The following EYA1 variants were observed in gnomAD, a reference collection of about 807,000 sequenced individuals.
EYA1 encodes the protein EYA transcriptional coactivator and phosphatase 1.
A neutral mutation model predicts 82.0 loss-of-function variants in EYA1; 16 were observed. The observed-to-expected ratio is 0.20, with a 90% CI of 0.13 to 0.30. EYA1 has a LOEUF of 0.30. EYA1 is among the 10% of genes least tolerant of loss of function. The pLI is 1.00. For synonymous variants in EYA1, 261 were observed against 264.4 expected (o/e 0.99, Z 0.12); for missense variants, 633 against 730.7 (o/e 0.87, Z 1.54).
intron 7 of EYA1, among the ~76,000 whole-genome samples, chr8:71,311,033 T>C (rs1389683631): frequency 6.6e-6 from 1 of 152,200 alleles, no homozygotes; most frequent in Non-Finnish European, 1.5e-5. Context: ...GTGTGAAAAT[T>C]GTTTGCACGT....
intron 12 of EYA1, chr8:71,225,423 A>G (rs1297260657): frequency 7.9e-6 from 3 of 379,788 alleles, no homozygotes; most frequent in Non-Finnish European, 1.6e-5. Flanking sequence ...CCTTCACACC[A>G]TGATGCTTCC....
At chr8:71,274,882 G>A (rs1462159788) in intron 9 of EYA1, among the ~76,000 whole-genome samples, 1 of 151,984 alleles carries the variant, frequency 6.6e-6, no homozygotes, top group Non-Finnish European at 1.5e-5. Context: ...GAGAGAGAGT[G>A]AGCGAGCGAG....
chr8:71,485,421 G>T (rs1274368551), intron 2 of EYA1, among the ~76,000 whole-genome samples: 1 of 152,052 alleles, frequency 6.6e-6, no homozygotes, highest in East Asian at 1.9e-4. Flanking sequence ...AACTGACAAG[G>T]AGGCAATGGA....
chr8:71,279,183 A>G (rs1817539483), intron 9 of EYA1, among the ~76,000 whole-genome samples: 1 of 152,190 alleles, frequency 6.6e-6, no homozygotes, highest in Non-Finnish European at 1.5e-5. Context: ...CAATAATTAT[A>G]TTCTATTTGC....
intron 2 of EYA1, among the ~76,000 whole-genome samples, chr8:71,436,901 T>C (rs912402347): frequency 5.3e-5 from 8 of 152,058 alleles, no homozygotes; most frequent in Non-Finnish European, 1.2e-4. Flanking sequence ...AAATGAATCA[T>C]GTTATTTCCT....
At chr8:71,433,713 T>A (rs1805798885) in intron 2 of EYA1, among the ~76,000 whole-genome samples, 1 of 152,182 alleles carries the variant, frequency 6.6e-6, no homozygotes, top group Non-Finnish European at 1.5e-5. Flanking sequence ...GAGGCCAACC[T>A]GTCTGAATCA....
At chr8:71,214,546 A>AC (rs1349273636) in intron 16 of EYA1, among the ~76,000 whole-genome samples, 1 of 152,304 alleles carries the variant, frequency 6.6e-6, no homozygotes, top group Middle Eastern at 3.4e-3. Flanking sequence ...TAGCAATAGG[A>AC]CCCTGTAGGA....
At chr8:71,385,877 C>A (rs1198183425) in intron 2 of EYA1, among the ~76,000 whole-genome samples, 1 of 152,068 alleles carries the variant, frequency 6.6e-6, no homozygotes, top group Non-Finnish European at 1.5e-5. Flanking sequence ...TAGGGAAACA[C>A]CTAGGAGGAA....
At chr8:71,461,910 C>T (rs1326683857) in intron 2 of EYA1, among the ~76,000 whole-genome samples, 1 of 152,144 alleles carries the variant, frequency 6.6e-6, no homozygotes, top group African/African-American at 2.4e-5. Flanking sequence ...CAGGTCGCAG[C>T]AGCCAGGGTA....
intron 2 of EYA1, among the ~76,000 whole-genome samples, chr8:71,443,484 T>C (rs1470837753): frequency 2.0e-5 from 3 of 152,210 alleles, no homozygotes; most frequent in Admixed American, 2.0e-4. Context: ...TTTCGCTATG[T>C]TGGCCAGGAT....
At chr8:71,528,651 T>C (rs1447782652) in intron 2 of EYA1, among the ~76,000 whole-genome samples, 2 of 152,310 alleles carry the variant, frequency 1.3e-5, no homozygotes, top group East Asian at 3.9e-4. Context: ...AATTAACAGA[T>C]AGTACCTCAT....
In EYA1 at chr8:71,322,254, T is replaced by A; in HGVS notation, c.217A>T (p.Ser73Cys). 1.2e-6 allele frequency: 2 copies of A among 1,613,974 alleles called. No individual in the cohort carries two copies. Among genetic ancestry groups the A allele is most frequent in the Non-Finnish European group, 1.7e-6 (2 of 1,179,874 alleles). ...TGGTGAGTTGGTCGTGGGCTGAAACTACTGCTCCCAATTGCTGGAAAACAA... is the reference window on the plus strand; with the variant it reads ...TGGTGAGTTGGTCGTGGGCTGAAACAACTGCTCCCAATTGCTGGAAAACAA... Reference protein sequence around the residue: ...NFSGSAIGSSSFSPRPTHQFS... With the variant: ...NFSGSAIGSSCFSPRPTHQFS... The change falls in exon 5 of 18, where the codon AGT (serine) becomes TGT (cysteine). Residue 73 changes from serine to cysteine, a missense_variant. Transcript: ENST00000340726.
At chr8:71,230,759 C>T (rs980083440) in intron 12 of EYA1, among the ~76,000 whole-genome samples, 7 of 152,224 alleles carry the variant, frequency 4.6e-5, no homozygotes, top group African/African-American at 1.7e-4. Flanking sequence ...ACTGCTGCTC[C>T]AAATGGCCAC....
At chr8:71,288,529 A>G (rs1394276354) in intron 9 of EYA1, among the ~76,000 whole-genome samples, 1 of 152,212 alleles carries the variant, frequency 6.6e-6, no homozygotes, top group Non-Finnish European at 1.5e-5. Context: ...TCTGCAAAAG[A>G]ATCTATACAG....
intron 7 of EYA1, among the ~76,000 whole-genome samples, chr8:71,313,258 G>A (rs1821553238): frequency 6.6e-6 from 1 of 152,034 alleles, no homozygotes; most frequent in African/African-American, 2.4e-5. Flanking sequence ...TTCCTTCCAT[G>A]CCAGCATATT....
chr8:71,317,380 T>G (rs1822040918), intron 7 of EYA1, among the ~76,000 whole-genome samples, 172 bp downstream of exon 7: 1 of 152,156 alleles, frequency 6.6e-6, no homozygotes. Context: ...ATATGGAAAT[T>G]TAGGCCTAGA....
intron 12 of EYA1, among the ~76,000 whole-genome samples, chr8:71,237,201 A>G (rs1350383506): frequency 6.6e-6 from 1 of 151,968 alleles, no homozygotes; most frequent in African/African-American, 2.4e-5. Context: ...ACAGGCTCAC[A>G]CTACCATGCC....
intron 3 of EYA1, among the ~76,000 whole-genome samples, chr8:71,342,609 C>A (rs1229598059): frequency 2.0e-5 from 3 of 152,214 alleles, no homozygotes; most frequent in African/African-American, 7.2e-5. Context: ...AAGTGTATGA[C>A]AAAAACCTAC....
At chr8:71,455,807 A>G (rs184402226) in intron 2 of EYA1, among the ~76,000 whole-genome samples, 87 of 152,356 alleles carry the variant, frequency 5.7e-4, no homozygotes, top group African/African-American at 2.0e-3. Context: ...GTCATACTGA[A>G]TGGGCAAAAA....
Sources: allele counts gnomAD v4.1 joint callset (sites outside exome capture counted in the v4.1 genomes callset), GRCh38; gene constraint gnomAD v4.1.1; transcripts MANE v1.5; gene names NCBI Gene and HGNC (gene_info 2026-07-23, HGNC 2026-07-21).